Variants in GDPD4 observed in about 807,000 individuals in gnomAD.
GDPD4 encodes the protein glycerophosphodiester phosphodiesterase domain containing 4.
Under a neutral mutation model 67.8 loss-of-function variants are expected in GDPD4, and 60 were observed. That is an observed-to-expected ratio of 0.88 (90% confidence interval 0.72 to 1.10). The LOEUF (loss-of-function observed/expected upper bound fraction) is 1.10, where lower values mean the gene tolerates loss of function less well. GDPD4 is among the 50% of genes least tolerant of loss of function. The probability of loss-of-function intolerance (pLI) is 0.00; values close to 1 mark genes in which losing one functional copy is unlikely to be tolerated. For missense variants in GDPD4, 623 were observed against 613.9 expected, an observed-to-expected ratio of 1.01 and a Z score of -0.16; for synonymous variants, 212 against 210.9, an observed-to-expected ratio of 1.00 and a Z score of -0.04.
chr11:77,268,405 T>C, intron 10 of GDPD4, 52 bp downstream of exon 10: 2 of 1,259,010 alleles, frequency 1.6e-6, no homozygotes, highest in Admixed American at 1.7e-5. Flanking sequence ...TTCTCTTGCA[T>C]GGCATTGAAC....
chr11:77,300,065 C>T (rs1938107566), intron 1 of GDPD4, among the ~76,000 whole-genome samples: 1 of 151,968 alleles, frequency 6.6e-6, no homozygotes, highest in Non-Finnish European at 1.5e-5. Context: ...CAATTCTTTG[C>T]CTTCTACTTT....
Position 77,258,404 on chromosome 11 carries a change from TTTGC to T in GDPD4, c.842_845del (p.Gly281AspfsTer4). 6.2e-7 allele frequency: 1 copy of T among 1,614,134 alleles called. No individual in the cohort carries two copies. The highest frequency in any genetic ancestry group is 8.5e-7 in the Non-Finnish European group (1 of 1,179,978). ...GTCTTACCTCTGGTTTTACAAACCATTTGCCTGCATTCAGAGTCGATAGGAAATC... is the reference window on the plus strand; with the variant it reads ...GTCTTACCTCTGGTTTTACAAACCATCTGCATTCAGAGTCGATAGGAAATC... On this transcript the variant is annotated frameshift_variant, in exon 11 of 17. Coordinates refer to ENST00000315938, the MANE Select transcript of GDPD4 (RefSeq NM_182833.3). LOFTEE classifies it high-confidence loss of function.
chr11:77,269,653 A>G (rs757651041), intron 8 of GDPD4, among the ~76,000 whole-genome samples: 5 of 152,018 alleles, frequency 3.3e-5, no homozygotes, highest in Non-Finnish European at 5.9e-5. Flanking sequence ...GTTGACTCAT[A>G]ATAGTTACTC....
chr11:77,297,061 A>AAC (rs199698888), intron 1 of GDPD4, among the ~76,000 whole-genome samples: 1 of 50,138 alleles, frequency 2.0e-5, no homozygotes, highest in Non-Finnish European at 3.6e-5. Context: ...CAAAAAAAAC[A>AAC]AAAAAAAAAA....
intron 3 of GDPD4, among the ~76,000 whole-genome samples, chr11:77,280,426 A>T (rs1159956991): frequency 1.3e-5 from 1 of 78,212 alleles, no homozygotes; most frequent in Non-Finnish European, 3.1e-5. Flanking sequence ...TTTCGAAATT[A>T]AAAAAAAAAA....
At chr11:77,229,085 C>T in intron 15 of GDPD4, 65 bp downstream of exon 15, 1 of 742,822 alleles carries the variant, frequency 1.3e-6, no homozygotes, top group Non-Finnish European at 2.2e-6. Context: ...TCTTATTTTT[C>T]TCAATTTCCT....
At chr11:77,283,601 G>C (rs1959855309) in intron 3 of GDPD4, among the ~76,000 whole-genome samples, 1 of 151,958 alleles carries the variant, frequency 6.6e-6, no homozygotes. Flanking sequence ...GCCCATAAAT[G>C]AAACTGCAGA....
chr11:77,229,228 G>A lies in GDPD4; in HGVS notation c.1394C>T (p.Pro465Leu). The stretch of plus-strand genomic sequence containing the variant: ...GAGCCACATGAACACATAGAACTTT[G>A]GTGTCTGAAAAACATAAACCACAGT... ...QLDHPHFFMTPKFYVFMWLLA... is the reference protein window; with the variant it reads ...QLDHPHFFMTLKFYVFMWLLA... Residue 465 changes from proline (P) to leucine (L), a missense_variant, in exon 15 of 17, where the codon CCA (proline) becomes CTA (leucine). Transcript: ENST00000315938. 6.3e-7 allele frequency: 1 copy of A among 1,595,254 alleles called. No homozygotes were observed. Among genetic ancestry groups the A allele is most frequent in the Non-Finnish European group, 8.6e-7 (1 of 1,168,788 alleles).
chr11:77,270,963 A>G lies in GDPD4; in HGVS notation c.400+167T>C, dbSNP rs112052519. Reference sequence around the variant, plus strand: ...ACTATGACAGGCCATTGGCCACTATAACAGGGTAGTGAGTGAAAGCACAGG... The same window carrying G: ...ACTATGACAGGCCATTGGCCACTATGACAGGGTAGTGAGTGAAAGCACAGG... On this transcript the variant is annotated intron_variant, in intron 7 of 16. Transcript: ENST00000315938. 751 of 584,034 alleles carry G rather than the reference A, an allele frequency of 1.3e-3. 4 individuals are homozygous for G. Among genetic ancestry groups the G allele is most frequent in the African/African-American group, 0.013 (658 of 52,328 alleles). 36.2% of individuals were successfully genotyped at this position (584,034 alleles called of 1,614,324 possible).
intron 11 of GDPD4, among the ~76,000 whole-genome samples, chr11:77,250,604 T>C (rs1050127964): frequency 6.6e-6 from 1 of 152,220 alleles, no homozygotes; most frequent in Non-Finnish European, 1.5e-5. Flanking sequence ...TGGAGAATGT[T>C]CCATGTGCTG....
chr11:77,222,125 T>G (rs1958238923), intron 16 of GDPD4, among the ~76,000 whole-genome samples: 2 of 152,192 alleles, frequency 1.3e-5, no homozygotes, highest in African/African-American at 4.8e-5. Flanking sequence ...GTGTCTGCAC[T>G]TGAGATGGGG....
intron 1 of GDPD4, among the ~76,000 whole-genome samples, chr11:77,292,326 C>A (rs957056160): frequency 6.6e-6 from 1 of 151,574 alleles, no homozygotes; most frequent in African/African-American, 2.4e-5. Flanking sequence ...TTGGAAAACT[C>A]CTAAATATTT....
chr11:77,292,951 TA>T (rs1417288233), intron 1 of GDPD4, among the ~76,000 whole-genome samples: 3 of 152,008 alleles, frequency 2.0e-5, no homozygotes, highest in Non-Finnish European at 4.4e-5. Context: ...GAATTTTACT[TA>T]AATTAAAAAT....
intron 5 of GDPD4, 66 bp from the exon 6 acceptor site, chr11:77,271,459 A>C (rs1236305225): frequency 2.2e-6 from 2 of 911,524 alleles, no homozygotes; most frequent in Non-Finnish European, 3.6e-6. Context: ...TGTCCTCAGG[A>C]ATTATATGTG....
At chr11:77,283,390 G>A (rs1959846231) in intron 3 of GDPD4, among the ~76,000 whole-genome samples, 1 of 152,166 alleles carries the variant, frequency 6.6e-6, no homozygotes, top group Admixed American at 6.5e-5. Context: ...TTGCTGTCTT[G>A]TGGTAAGCCC....
At chr11:77,232,993 G>T (rs758043218) in intron 14 of GDPD4, 32 bp downstream of exon 14, 14 of 1,611,644 alleles carry the variant, frequency 8.7e-6, no homozygotes, top group Non-Finnish European at 1.1e-5. Flanking sequence ...ATCATACCAA[G>T]CCTGGAAGAA....
intron 10 of GDPD4, among the ~76,000 whole-genome samples, chr11:77,266,073 G>A (rs1176246463): frequency 6.6e-6 from 1 of 152,078 alleles, no homozygotes; most frequent in Non-Finnish European, 1.5e-5. Flanking sequence ...AAGGACATTT[G>A]GGTTGTTTCT....
chr11:77,228,291 G>T (rs990967376), intron 15 of GDPD4, among the ~76,000 whole-genome samples: 3 of 151,960 alleles, frequency 2.0e-5, no homozygotes, highest in African/African-American at 7.3e-5. Flanking sequence ...AAGGTCAGGA[G>T]TTCAAGACCA....
intron 1 of GDPD4, among the ~76,000 whole-genome samples, chr11:77,298,065 T>C (rs903857356): frequency 4.0e-5 from 6 of 150,628 alleles, no homozygotes; most frequent in Non-Finnish European, 7.4e-5. Context: ...ACAGGGAAAA[T>C]AAAGACTACC....
Sources: allele counts gnomAD v4.1 joint callset (sites outside exome capture counted in the v4.1 genomes callset), GRCh38; gene constraint gnomAD v4.1.1; transcripts MANE v1.5; gene names NCBI Gene and HGNC (gene_info 2026-07-23, HGNC 2026-07-21).